MED13L: variants seen among roughly 807,000 people sequenced by gnomAD.
MED13L encodes the protein mediator of RNA polymerase II transcription subunit 13-like.
Under a neutral mutation model 220.9 loss-of-function variants are expected in MED13L, and 7 were observed. That is an observed-to-expected ratio of 0.03 (90% CI 0.02 to 0.06). The LOEUF (loss-of-function observed/expected upper bound fraction) is 0.06. Ranked by LOEUF, MED13L falls within the 10% of genes least tolerant of loss-of-function variation. The probability of loss-of-function intolerance (pLI) is 1.00; values close to 1 mark genes in which losing one functional copy is unlikely to be tolerated. For missense variants in MED13L, 1,965 were observed against 2,760.5 expected (o/e 0.71, Z 6.46); for synonymous variants, 1,011 against 1,015.2 (o/e 1.00, Z 0.08).
chr12:116,140,099 A>C (rs1034323966), intron 2 of MED13L, among the ~76,000 whole-genome samples: 2 of 152,162 alleles, frequency 1.3e-5, no homozygotes, highest in Non-Finnish European at 2.9e-5. Flanking sequence ...ACCTAGGAAC[A>C]AAATTGTCAC....
At chr12:116,106,104 G>A (rs1208208136) in intron 3 of MED13L, among the ~76,000 whole-genome samples, 1 of 152,168 alleles carries the variant, frequency 6.6e-6, no homozygotes, top group African/African-American at 2.4e-5. Flanking sequence ...CATGCAACAT[G>A]AGCATGAAAT....
intron 7 of MED13L, among the ~76,000 whole-genome samples, chr12:116,017,571 C>A (rs1180828025): frequency 6.6e-6 from 1 of 152,164 alleles, no homozygotes; most frequent in East Asian, 1.9e-4. Context: ...AATCCTTTCA[C>A]AAGGAATCAT....
intron 25 of MED13L, among the ~76,000 whole-genome samples, chr12:115,974,628 C>G (rs1876809507): frequency 6.6e-6 from 1 of 152,202 alleles, no homozygotes; most frequent in African/African-American, 2.4e-5. Context: ...CTTCAAAAAT[C>G]TGCTCTTGTA....
At chr12:116,096,452 G>A (rs1238934014) in intron 4 of MED13L, among the ~76,000 whole-genome samples, 1 of 147,554 alleles carries the variant, frequency 6.8e-6, no homozygotes, top group African/African-American at 2.5e-5. Context: ...ATAGTAATAT[G>A]TGGCTTGAAC....
chr12:115,970,107 GTGT>G (rs1182859457), intron 27 of MED13L, among the ~76,000 whole-genome samples: 9 of 152,154 alleles, frequency 5.9e-5, no homozygotes. Context: ...GCTGTGTTGA[GTGT>G]TTTATAGTTT....
In MED13L at chr12:115,959,856, C is replaced by A. The variant is rs1007948033; in HGVS notation, c.*1410G>T. The A allele has an allele frequency of 6.6e-6, 1 of 152,470 alleles. No homozygotes were observed. The highest frequency in any genetic ancestry group is 2.4e-5 in the African/African-American group (1 of 41,368). 9.4% of individuals were successfully genotyped at this position (152,470 alleles called of 1,614,324 possible). A position where few individuals can be genotyped will look rare whatever the true frequency, so the allele number is the denominator to read the frequency against. On this transcript the variant is annotated 3_prime_UTR_variant, in exon 31 of 31. Transcript: ENST00000281928. ...TTTCCTTTTTTGTTAATAACCAGGA[C>A]ATGGAAGTCTCTTGGAAGAACTTTT...
intron 3 of MED13L, among the ~76,000 whole-genome samples, chr12:116,105,137 G>T (rs886559962): frequency 1.1e-4 from 16 of 152,190 alleles, no homozygotes; most frequent in African/African-American, 3.9e-4. Flanking sequence ...AATGATTGCA[G>T]ATTTTTTTTC....
At chr12:116,227,380 C>T (rs1869110847) in intron 2 of MED13L, among the ~76,000 whole-genome samples, 1 of 152,178 alleles carries the variant, frequency 6.6e-6, no homozygotes. Context: ...CACATTGTTT[C>T]GCTTCACAGA....
At chr12:115,999,020 C>T (rs545330913) in intron 14 of MED13L, among the ~76,000 whole-genome samples, 11 of 152,010 alleles carry the variant, frequency 7.2e-5, no homozygotes, top group South Asian at 6.2e-4. Flanking sequence ...GCTACATAAC[C>T]GATACACTCT....
Position 115,980,746 on chromosome 12 carries a change from C to T in MED13L, c.5364+4G>A. 2.5e-6 allele frequency: 4 copies of T among 1,613,938 alleles called. No homozygotes were observed. The highest frequency in any genetic ancestry group is 3.4e-6 in the Non-Finnish European group (4 of 1,179,880). ...TTCTAAGTTTCTGTCCTGCCAATAC[C>T]TACCTCAGGGTTCTTGAGGGTCATC... On this transcript the variant is annotated splice_donor_region_variant and intron_variant, in intron 23 of 30. Coordinates refer to ENST00000281928, the MANE Select transcript of MED13L (RefSeq NM_015335.5).
intron 1 of MED13L, 102 bp downstream of exon 1, chr12:116,276,958 G>A: frequency 1.5e-6 from 2 of 1,294,368 alleles, no homozygotes; most frequent in South Asian, 1.3e-5. Context: ...GCGAGGGAGG[G>A]GCGAAGTCCC....
Position 116,096,741 on chromosome 12 carries a change from T to A in MED13L, c.407A>T (p.Asp136Val), listed in dbSNP as rs767327697. Reference protein sequence around the residue: ...IHNLLERCLMDKNFVRIGKWF... With the variant: ...IHNLLERCLMVKNFVRIGKWF... ...TTTCCCAATCCTAACGAAGTTCTTA[T>A]CCATTAGGCACCTAAAATAATTACA... is the stretch of plus-strand genomic sequence containing the variant. Residue 136 changes from aspartate (D) to valine (V), a missense_variant, in exon 4 of 31, where the codon GAT becomes GTT. Around this residue, in one of 10 missense-constraint regions of MED13L, gnomAD observed 818 missense variants for 1,041.2 expected, o/e 0.79. Transcript: ENST00000281928. 3 of 1,613,562 alleles carry A rather than the reference T, an allele frequency of 1.9e-6. No homozygotes were observed. The highest frequency in any genetic ancestry group is 2.5e-6 in the Non-Finnish European group (3 of 1,179,578).
intron 2 of MED13L, among the ~76,000 whole-genome samples, chr12:116,196,496 T>C (rs1435015127): frequency 6.6e-6 from 1 of 152,196 alleles, no homozygotes. Flanking sequence ...GTGCTTTCTT[T>C]CCAAAACGGT....
At chr12:116,221,644 T>G (rs929857257) in intron 2 of MED13L, among the ~76,000 whole-genome samples, 1 of 152,238 alleles carries the variant, frequency 6.6e-6, no homozygotes, top group South Asian at 2.1e-4. Context: ...ATAAAAATTA[T>G]TCTATAAACA....
chr12:116,114,581 G>A (rs531232782), intron 2 of MED13L, among the ~76,000 whole-genome samples: 1 of 152,102 alleles, frequency 6.6e-6, no homozygotes, highest in South Asian at 2.1e-4. Context: ...CTGAACGAAC[G>A]GTAAGGATGT....
intron 20 of MED13L, 36 bp downstream of exon 20, chr12:115,984,144 C>T: frequency 6.2e-7 from 1 of 1,603,876 alleles, no homozygotes; most frequent in Non-Finnish European, 8.5e-7. Context: ...TATTTTACTT[C>T]TCCAATTCTA....
At chr12:116,239,908 G>A (rs1173361001) in intron 1 of MED13L, among the ~76,000 whole-genome samples, 2 of 152,140 alleles carry the variant, frequency 1.3e-5, no homozygotes, top group Admixed American at 6.5e-5. Flanking sequence ...ATCAGATGGG[G>A]CCACCATTCC....
At position 116,072,521 on chromosome 12, in the gene MED13L, G is replaced by A. The variant is rs528467781; in HGVS notation, c.479+24148C>T. Among the ~76,000 whole-genome samples the A allele has an allele frequency of 6.6e-5, 10 of 152,202 alleles. No individual in the cohort carries two copies. The South Asian group carries it at 1.9e-3, about 28-fold the overall frequency. ...GGCTAGAGTGCAGTGGCGCAATCTC[G>A]GCTCACTGCAAGCTCCGCCTCCCGG... On this transcript the variant is annotated intron_variant, in intron 4 of 30. Transcript: ENST00000281928.
rs1393539296 is a variant in MED13L, at chr12:115,959,675, CCTT to C, written c.*1588_*1590del. On this transcript the variant is annotated 3_prime_UTR_variant, in exon 31 of 31. Transcript: ENST00000281928. ...CTATACATTGCGAAAGTCAACCCCC[CCTT>C]CAACTGGTGGTACAGAGAACAAAAT... 2 of 152,566 alleles carry C rather than the reference CCTT, an allele frequency of 1.3e-5. No individual in the cohort carries two copies. The highest frequency in any genetic ancestry group is 2.9e-5 in the Non-Finnish European group (2 of 68,020). 9.5% of individuals were successfully genotyped at this position (152,566 alleles called of 1,614,324 possible).
Sources: allele counts gnomAD v4.1 joint callset (sites outside exome capture counted in the v4.1 genomes callset), GRCh38; gene constraint gnomAD v4.1.1; regional missense constraint gnomAD v4.1.1; transcripts MANE v1.5; gene names NCBI Gene and HGNC (gene_info 2026-07-23, HGNC 2026-07-21).